The following MYO1E variants were observed in gnomAD, a reference collection of about 807,000 sequenced individuals.
The protein encoded by MYO1E is unconventional myosin-Ie.
MYO1E carries 68 observed loss-of-function variants against 151.1 expected under a neutral mutation model. The observed-to-expected ratio is 0.45, with a 90% CI of 0.37 to 0.55. The LOEUF (loss-of-function observed/expected upper bound fraction) is 0.55. Ranked by LOEUF, MYO1E falls within the 20% of genes least tolerant of loss-of-function variation. The pLI, the probability that MYO1E is intolerant of heterozygous loss-of-function variation, is 0.00. For missense variants in MYO1E, 1,363 were observed against 1,389.3 expected, an observed-to-expected ratio of 0.98 and a Z score of 0.30; for synonymous variants, 601 against 501.7, an observed-to-expected ratio of 1.20 and a Z score of -2.64.
chr15:59,274,479 T>C (rs1024247676), intron 1 of MYO1E, among the ~76,000 whole-genome samples: 1 of 152,198 alleles, frequency 6.6e-6, no homozygotes, highest in African/African-American at 2.4e-5. Flanking sequence ...CACCCACGGT[T>C]ACTCTGCACA....
At chr15:59,322,295 T>G (rs138707387) in intron 1 of MYO1E, among the ~76,000 whole-genome samples, 6 of 152,170 alleles carry the variant, frequency 3.9e-5, no homozygotes, top group Admixed American at 3.9e-4. Flanking sequence ...GTAACAAATC[T>G]GCACATGTAC....
At chr15:59,175,812 T>G (rs1295854675) in intron 19 of MYO1E, among the ~76,000 whole-genome samples, 1 of 152,164 alleles carries the variant, frequency 6.6e-6, no homozygotes, top group Non-Finnish European at 1.5e-5. Context: ...ATTCCCAACT[T>G]CCTAGAGACT....
In MYO1E at chr15:59,223,315, G is replaced by GA. The variant is rs10711975; in HGVS notation, c.778-125dup. ...GTGACAAGTACAGACGAGTTACAAAGAAAAAAAAAAAAAAAAGCCAAAACA... is the reference window on the plus strand; with the variant it reads ...GTGACAAGTACAGACGAGTTACAAAGAAAAAAAAAAAAAAAAAGCCAAAACA... On this transcript the variant is annotated intron_variant, in intron 8 of 27. Transcript: ENST00000288235. 13,023 of 772,634 alleles carry GA rather than the reference G, an allele frequency of 0.017. 260 individuals are homozygous for GA. The highest frequency in any genetic ancestry group is 0.11 in the African/African-American group (5,683 of 50,904). 47.9% of individuals were successfully genotyped at this position (772,634 alleles called of 1,614,324 possible).
intron 1 of MYO1E, among the ~76,000 whole-genome samples, chr15:59,277,659 G>A (rs1157460616): frequency 2.0e-5 from 3 of 152,050 alleles, no homozygotes; most frequent in Non-Finnish European, 4.4e-5. Context: ...ACATGTGCAA[G>A]GTTGTTCACT....
chr15:59,366,570 CA>C (rs1427108622), intron 1 of MYO1E, among the ~76,000 whole-genome samples: 6 of 152,166 alleles, frequency 3.9e-5, no homozygotes, highest in African/African-American at 1.4e-4. Flanking sequence ...GCAATGACGT[CA>C]TTCTCATGGT....
intron 26 of MYO1E, among the ~76,000 whole-genome samples, chr15:59,145,860 A>C (rs1203815826): frequency 2.0e-5 from 3 of 152,176 alleles, no homozygotes; most frequent in Non-Finnish European, 4.4e-5. Flanking sequence ...TACCATGGAA[A>C]CTGGTAAATG....
chr15:59,272,440 C>G lies in MYO1E; in HGVS notation c.13G>C (p.Gly5Arg). Residue 5 changes from glycine (G) to arginine (R), a missense_variant, in exon 2 of 28, where the codon GGT (glycine) becomes CGT (arginine). By Grantham distance (125) the Gly-to-Arg change is moderately radical (BLOSUM62 -2). Transcript: ENST00000288235. Reference protein sequence around the residue: MGSKGVYQYHWQSHN... With the variant: MGSKRVYQYHWQSHN... Reference sequence around the variant, plus strand: ...CTTTGCCAGTGGTACTGGTAGACACCTTTGCTTCCCTGGGAACATAAAACA... The same window carrying G: ...CTTTGCCAGTGGTACTGGTAGACACGTTTGCTTCCCTGGGAACATAAAACA... 3.1e-6 allele frequency: 5 copies of G among 1,614,152 alleles called. No homozygotes were observed. Among genetic ancestry groups the G allele is most frequent in the Non-Finnish European group, 3.4e-6 (4 of 1,179,988 alleles).
rs560997558 is a variant in MYO1E, at chr15:59,218,534, C to T, written c.911-447G>A. Reference sequence around the variant, plus strand: ...TTTCATAGCATCATTTTTGAAGCACCTGATATTACTGAACTAATAATTACA... The same window carrying T: ...TTTCATAGCATCATTTTTGAAGCACTTGATATTACTGAACTAATAATTACA... On this transcript the variant is annotated intron_variant, in intron 9 of 27. Transcript: ENST00000288235. Among the ~76,000 whole-genome samples the T allele has an allele frequency of 2.6e-5, 4 of 152,300 alleles. No individual in the cohort carries two copies. The East Asian group carries it at 7.7e-4, about 29-fold the overall frequency.
intron 6 of MYO1E, among the ~76,000 whole-genome samples, chr15:59,230,432 T>G (rs866553203): frequency 6.8e-6 from 1 of 146,374 alleles, no homozygotes; most frequent in African/African-American, 2.6e-5. Flanking sequence ...AATTTAATTG[T>G]TTTTTTTTTC....
At chr15:59,283,092 C>A (rs76701566) in intron 1 of MYO1E, among the ~76,000 whole-genome samples, 1 of 150,320 alleles carries the variant, frequency 6.7e-6, no homozygotes, top group Non-Finnish European at 1.5e-5. Flanking sequence ...CCCAGGGAGA[C>A]GGGCGGTCAG....
At chr15:59,299,858 G>A (rs2080471722) in intron 1 of MYO1E, among the ~76,000 whole-genome samples, 1 of 152,136 alleles carries the variant, frequency 6.6e-6, no homozygotes, top group Non-Finnish European at 1.5e-5. Flanking sequence ...TTTAAATTAA[G>A]TTGATTAGAT....
At chr15:59,155,491 AT>A (rs1381111197) in intron 25 of MYO1E, among the ~76,000 whole-genome samples, 1 of 152,062 alleles carries the variant, frequency 6.6e-6, no homozygotes, top group African/African-American at 2.4e-5. Flanking sequence ...CCATTGTCTC[AT>A]TTTTTTGATG....
intron 26 of MYO1E, 99 bp from the exon 27 acceptor site, chr15:59,138,466 T>C: frequency 1.5e-6 from 2 of 1,317,834 alleles, no homozygotes; most frequent in Non-Finnish European, 2.2e-6. Context: ...CCTGTTCAAG[T>C]TCAAATCCAG....
intron 17 of MYO1E, 66 bp downstream of exon 17, chr15:59,195,395 A>T (rs1232467691): frequency 2.4e-5 from 33 of 1,366,504 alleles, no homozygotes; most frequent in Non-Finnish European, 3.1e-5. Context: ...CCTGTGATGG[A>T]GGACGGCTCA....
intron 19 of MYO1E, among the ~76,000 whole-genome samples, chr15:59,177,360 G>A (rs1333681708): frequency 2.0e-5 from 3 of 152,128 alleles, no homozygotes; most frequent in Non-Finnish European, 2.9e-5. Context: ...CTGATCCTAC[G>A]AGGCAGGCAG....
At chr15:59,205,331 A>C in intron 15 of MYO1E, 69 bp downstream of exon 15, 1 of 1,461,760 alleles carries the variant, frequency 6.8e-7, no homozygotes, top group Non-Finnish European at 9.6e-7. Flanking sequence ...CCCAGCTCAT[A>C]AGTTTGTTTT....
intron 1 of MYO1E, among the ~76,000 whole-genome samples, chr15:59,329,645 A>G (rs934744632): frequency 2.0e-5 from 3 of 152,172 alleles, no homozygotes; most frequent in African/African-American, 7.2e-5. Flanking sequence ...ATGGTCTCAT[A>G]TGACTCCATA....
chr15:59,136,275 C>A lies in MYO1E; in HGVS notation c.*1105G>T, dbSNP rs1301648777. 1.9e-5 allele frequency: 3 copies of A among 157,524 alleles called. No individual in the cohort carries two copies. Among genetic ancestry groups the A allele is most frequent in the Non-Finnish European group, 4.2e-5 (3 of 70,992 alleles). 9.8% of individuals were successfully genotyped at this position (157,524 alleles called of 1,614,324 possible). A position where few individuals can be genotyped will look rare whatever the true frequency, so the allele number is the denominator to read the frequency against. ...TAAAGACTCTATTTCCAAATAAGGTCATATTGTGAGGTACTGGTGGCTGGG... is the reference window on the plus strand; with the variant it reads ...TAAAGACTCTATTTCCAAATAAGGTAATATTGTGAGGTACTGGTGGCTGGG... On this transcript the variant is annotated 3_prime_UTR_variant, in exon 28 of 28. Transcript: ENST00000288235.
chr15:59,337,808 G>C (rs1355844436), intron 1 of MYO1E, among the ~76,000 whole-genome samples: 1 of 152,086 alleles, frequency 6.6e-6, no homozygotes, highest in South Asian at 2.1e-4. Context: ...CTCCAGCCTA[G>C]GCAACAGAGC....
Sources: allele counts gnomAD v4.1 joint callset (sites outside exome capture counted in the v4.1 genomes callset), GRCh38; gene constraint gnomAD v4.1.1; transcripts MANE v1.5; gene names NCBI Gene and HGNC (gene_info 2026-07-23, HGNC 2026-07-21).